FBXL17: variants seen among roughly 807,000 people sequenced by gnomAD.
FBXL17 encodes the protein F-box and leucine rich repeat protein 17, also known as F-box/LRR-repeat protein 17.
In FBXL17, 22 loss-of-function variants were observed where a neutral mutation model predicts 66.2. The observed-to-expected ratio is 0.33, with a 90% CI of 0.24 to 0.47. The LOEUF (loss-of-function observed/expected upper bound fraction) is 0.47. FBXL17 is among the 20% of genes least tolerant of loss of function. FBXL17 has a pLI of 1.00. For synonymous variants in FBXL17, 474 were observed against 400.5 expected, an observed-to-expected ratio of 1.18 and a Z score of -2.19; for missense variants, 878 against 948.2, an observed-to-expected ratio of 0.93 and a Z score of 0.97.
chr5:108,302,301 CA>C (rs1036494175), intron 4 of FBXL17, among the ~76,000 whole-genome samples: 13 of 150,900 alleles, frequency 8.6e-5, no homozygotes, highest in African/African-American at 2.2e-4. Flanking sequence ...AATTTCTTTC[CA>C]AAAAAAAGGG....
chr5:107,903,870 T>C (rs950689127), intron 7 of FBXL17, among the ~76,000 whole-genome samples: 2 of 152,178 alleles, frequency 1.3e-5, no homozygotes, highest in Non-Finnish European at 2.9e-5. Flanking sequence ...TCTGCTGTTC[T>C]TCATTTCTCA....
intron 1 of FBXL17, among the ~76,000 whole-genome samples, chr5:108,371,012 C>T (rs1178955801): frequency 2.0e-5 from 3 of 151,620 alleles, no homozygotes; most frequent in Non-Finnish European, 4.4e-5. Context: ...CAGGGTGGTC[C>T]CTGTACAGAA....
chr5:107,946,839 T>A (rs1478835582), intron 7 of FBXL17, among the ~76,000 whole-genome samples: 4 of 152,094 alleles, frequency 2.6e-5, no homozygotes, highest in Non-Finnish European at 4.4e-5. Flanking sequence ...AAAATACCCA[T>A]GAATGGATAA....
intron 7 of FBXL17, among the ~76,000 whole-genome samples, chr5:108,013,087 C>G (rs1208875268): frequency 1.3e-5 from 2 of 149,968 alleles, no homozygotes; most frequent in East Asian, 3.9e-4. Flanking sequence ...ATAATGCCCA[C>G]AGAAAACATC....
intron 6 of FBXL17, among the ~76,000 whole-genome samples, chr5:108,119,478 A>G (rs1390062189): frequency 6.6e-6 from 1 of 152,204 alleles, no homozygotes. Context: ...TGGAAGCAGC[A>G]TAATAGGGCC....
At chr5:108,295,589 AC>A (rs1758312247) in intron 4 of FBXL17, among the ~76,000 whole-genome samples, 1 of 152,006 alleles carries the variant, frequency 6.6e-6, no homozygotes, top group African/African-American at 2.4e-5. Context: ...CTTGAAATTG[AC>A]AGATCAAACA....
At chr5:108,055,304 AAAAAAAAAAG>A (rs1333001406) in intron 6 of FBXL17, among the ~76,000 whole-genome samples, 660 of 30,790 alleles carry the variant, frequency 0.021, 36 homozygotes, top group Non-Finnish European at 0.026. Flanking sequence ...AAAAAAAAAA[AAAAAAAAAAG>A]AAAAACGCTT....
intron 8 of FBXL17, among the ~76,000 whole-genome samples, chr5:107,875,105 CTCTTT>C (rs1748578530): frequency 7.0e-6 from 1 of 142,546 alleles, no homozygotes; most frequent in Admixed American, 6.8e-5. Context: ...CTCTCTCTCT[CTCTTT>C]TTTTTTTTTT....
intron 6 of FBXL17, among the ~76,000 whole-genome samples, chr5:108,178,240 G>A (rs1346812453): frequency 6.6e-6 from 1 of 152,002 alleles, no homozygotes; most frequent in Non-Finnish European, 1.5e-5. Flanking sequence ...TAAAGACGGG[G>A]TTTCACCATG....
chr5:108,340,155 A>T (rs1204717567), intron 4 of FBXL17, among the ~76,000 whole-genome samples: 2 of 151,988 alleles, frequency 1.3e-5, no homozygotes. Context: ...TAAGAGAAAG[A>T]TACCAATAGA....
chr5:108,322,816 G>A (rs922039982), intron 4 of FBXL17, among the ~76,000 whole-genome samples: 1 of 151,862 alleles, frequency 6.6e-6, no homozygotes, highest in African/African-American at 2.4e-5. Context: ...TACAGTCACT[G>A]AAAATGTTAT....
At chr5:108,103,934 C>T (rs1349833378) in intron 6 of FBXL17, among the ~76,000 whole-genome samples, 1 of 152,172 alleles carries the variant, frequency 6.6e-6, no homozygotes, top group Non-Finnish European at 1.5e-5. Context: ...CTATCCTTTT[C>T]CCTCATTTTA....
At chr5:108,329,943 G>C (rs1489265661) in intron 4 of FBXL17, among the ~76,000 whole-genome samples, 1 of 152,026 alleles carries the variant, frequency 6.6e-6, no homozygotes, top group Non-Finnish European at 1.5e-5. Context: ...ACTCCTATTA[G>C]TTAAAAGTTA....
rs140769664 is a variant in FBXL17, at chr5:108,126,631, G to GTCTCTCTCTCTCTCTCTCTCTCTCTC, written c.1745+59485_1745+59486insGAGAGAGAGAGAGAGAGAGAGAGAGA. 1.1e-3 allele frequency among the ~76,000 whole-genome samples: 124 copies of GTCTCTCTCTCTCTCTCTCTCTCTCTC among 112,370 alleles called. 6 individuals carry two copies. The highest frequency in any genetic ancestry group is 1.5e-3 in the Non-Finnish European group (79 of 53,440). 73.7% of individuals were successfully genotyped at this position (112,370 alleles called of 152,430 possible). A position where few individuals can be genotyped will look rare whatever the true frequency, so the allele number is the denominator to read the frequency against. On this transcript the variant is annotated intron_variant, in intron 6 of 8. Transcript: ENST00000542267. ...TATAAGATTATCTCTCTGTCTCTCT[G>GTCTCTCTCTCTCTCTCTCTCTCTCTC]TCTCTCTCTCTCTCTCTCTCTATAT...
At chr5:107,964,579 C>T (rs894546242) in intron 7 of FBXL17, among the ~76,000 whole-genome samples, 5 of 151,918 alleles carry the variant, frequency 3.3e-5, no homozygotes, top group African/African-American at 1.2e-4. Flanking sequence ...ACTGATAGTC[C>T]CCATTAAATT....
chr5:108,115,374 T>A (rs541938469), intron 6 of FBXL17, among the ~76,000 whole-genome samples: 69 of 146,166 alleles, frequency 4.7e-4, no homozygotes, highest in Admixed American at 2.4e-3. Context: ...GTATTTAAAA[T>A]TTTTTTTAAA....
chr5:107,909,012 A>C (rs1175641420), intron 7 of FBXL17, among the ~76,000 whole-genome samples: 1 of 152,160 alleles, frequency 6.6e-6, no homozygotes, highest in East Asian at 1.9e-4. Flanking sequence ...CCCCATCTTA[A>C]CTATGATTAA....
At chr5:108,351,022 G>A (rs903523291) in intron 3 of FBXL17, among the ~76,000 whole-genome samples, 2 of 152,170 alleles carry the variant, frequency 1.3e-5, no homozygotes, top group Non-Finnish European at 2.9e-5. Context: ...AGGCAAATCT[G>A]CTGTAGGGCA....
At chr5:108,184,161 C>A (rs181854785) in intron 6 of FBXL17, among the ~76,000 whole-genome samples, 30 of 152,084 alleles carry the variant, frequency 2.0e-4, no homozygotes, top group African/African-American at 7.2e-4. Flanking sequence ...TGGCTCATGC[C>A]TATAATCCCA....
Sources: allele counts gnomAD v4.1 joint callset (sites outside exome capture counted in the v4.1 genomes callset), GRCh38; gene constraint gnomAD v4.1.1; transcripts MANE v1.5; gene names NCBI Gene and HGNC (gene_info 2026-07-23, HGNC 2026-07-21).